The following CSMD3 variants were observed in gnomAD, a reference collection of about 807,000 sequenced individuals.
The protein encoded by CSMD3 is CUB and Sushi multiple domains 3, also known as CUB and sushi domain-containing protein 3.
A neutral mutation model predicts 435.2 loss-of-function variants in CSMD3; 177 were observed. The ratio of observed to expected loss-of-function variants is 0.41; its 90% confidence interval spans 0.36 to 0.46. The LOEUF (loss-of-function observed/expected upper bound fraction) is 0.46. CSMD3 is among the 20% of genes least tolerant of loss of function. The pLI is 0.34. For synonymous variants in CSMD3, 1,656 were observed against 1,520.5 expected, an observed-to-expected ratio of 1.09 and a Z score of -2.07; for missense variants, 4,265 against 4,504.6, an observed-to-expected ratio of 0.95 and a Z score of 1.52.
At chr8:113,348,511 A>T (rs1205789739) in intron 1 of CSMD3, among the ~76,000 whole-genome samples, 1 of 152,112 alleles carries the variant, frequency 6.6e-6, no homozygotes, top group Non-Finnish European at 1.5e-5. Context: ...CAGCTTTGAG[A>T]AGCAGGGATG....
intron 3 of CSMD3, among the ~76,000 whole-genome samples, chr8:113,241,256 A>T (rs1213811778): frequency 6.6e-6 from 1 of 152,108 alleles, no homozygotes; most frequent in African/African-American, 2.4e-5. Context: ...GAAAATATGA[A>T]TAGAGAAAAT....
At chr8:112,568,544 C>A (rs879809789) in intron 24 of CSMD3, among the ~76,000 whole-genome samples, 2 of 140,310 alleles carry the variant, frequency 1.4e-5, no homozygotes, top group Non-Finnish European at 3.0e-5. Flanking sequence ...CCAGCCTGGG[C>A]GACAGAGCAA....
At chr8:112,976,807 T>C (rs2084865379) in intron 6 of CSMD3, among the ~76,000 whole-genome samples, 1 of 152,090 alleles carries the variant, frequency 6.6e-6, no homozygotes, top group African/African-American at 2.4e-5. Flanking sequence ...GTTTAACCAA[T>C]TCTGAACTAA....
intron 7 of CSMD3, among the ~76,000 whole-genome samples, chr8:112,972,866 C>A (rs1005458697): frequency 6.6e-6 from 1 of 151,878 alleles, no homozygotes; most frequent in Non-Finnish European, 1.5e-5. Flanking sequence ...CTGATGATTA[C>A]AAATGCAAGC....
intron 10 of CSMD3, among the ~76,000 whole-genome samples, chr8:112,893,045 C>T (rs1329320737): frequency 6.6e-6 from 1 of 151,174 alleles, no homozygotes; most frequent in Admixed American, 6.6e-5. Flanking sequence ...ACTGCTGTTG[C>T]TGCTGCTGCT....
rs568593409 is a variant in CSMD3 at position 113,276,438 on chromosome 8, G to A, written c.514+2154C>T. ...CTTTTTACCAGTTGCTGGCTCTAAG[G>A]TATGAGGCCTCTACGTGAAGAGGAG... On this transcript the variant is annotated intron_variant, in intron 3 of 70. Transcript: ENST00000297405. 2.0e-5 allele frequency among the ~76,000 whole-genome samples: 3 copies of A among 152,154 alleles called. No homozygotes were observed. In the South Asian group the frequency reaches 6.2e-4, roughly 32 times the overall value.
At chr8:112,923,073 A>T (rs1482466807) in intron 9 of CSMD3, among the ~76,000 whole-genome samples, 1 of 152,144 alleles carries the variant, frequency 6.6e-6, no homozygotes, top group African/African-American at 2.4e-5. Context: ...GCAACACATT[A>T]GAAATCCAGA....
chr8:112,528,416 C>T (rs1825199262), intron 27 of CSMD3, among the ~76,000 whole-genome samples: 1 of 152,028 alleles, frequency 6.6e-6, no homozygotes, highest in African/African-American at 2.4e-5. Context: ...AGTAAATTCT[C>T]AATCAAAATA....
intron 22 of CSMD3, among the ~76,000 whole-genome samples, chr8:112,608,513 CTTCCTGG>C (rs1298933473): frequency 6.6e-6 from 1 of 152,050 alleles, no homozygotes; most frequent in Non-Finnish European, 1.5e-5. Flanking sequence ...TGGCATCATA[CTTCCTGG>C]TTTCAAATTA....
At chr8:112,542,003 T>C (rs1420422051) in intron 27 of CSMD3, among the ~76,000 whole-genome samples, 2 of 151,924 alleles carry the variant, frequency 1.3e-5, no homozygotes, top group African/African-American at 2.4e-5. Flanking sequence ...AAATCAATTA[T>C]TTTGATACAC....
At chr8:112,237,546 T>C (rs1563671349) in intron 66 of CSMD3, among the ~76,000 whole-genome samples, 198 bp from the exon 67 acceptor site, 1 of 152,154 alleles carries the variant, frequency 6.6e-6, no homozygotes, top group Non-Finnish European at 1.5e-5. Context: ...TCTAGATTTG[T>C]TCATATGTTA....
At chr8:112,960,321 T>C (rs1484025244) in intron 7 of CSMD3, among the ~76,000 whole-genome samples, 2 of 151,744 alleles carry the variant, frequency 1.3e-5, no homozygotes, top group East Asian at 3.9e-4. Context: ...TGCTGCTAGA[T>C]TGAAAACTAA....
At position 113,063,706 on chromosome 8, in the gene CSMD3, A is replaced by T. The variant is rs192559581; in HGVS notation, c.917+35050T>A. On this transcript the variant is annotated intron_variant, in intron 5 of 70. Coordinates refer to ENST00000297405, the MANE Select transcript of CSMD3 (RefSeq NM_198123.2). ...ATTTGTTGGAAACATGTGCCTACAA[A>T]CCAAACATAACTCTATTTAGTTTGT... Among the ~76,000 whole-genome samples the T allele has an allele frequency of 7.5e-4, 114 of 151,960 alleles. 1 individual carries two copies. The highest frequency in any genetic ancestry group is 3.4e-3 in the Middle Eastern group (1 of 294).
chr8:112,600,992 T>C (rs895717821), intron 22 of CSMD3, among the ~76,000 whole-genome samples: 2 of 152,040 alleles, frequency 1.3e-5, no homozygotes, highest in Admixed American at 1.3e-4. Flanking sequence ...TATACTTCTC[T>C]AGACCCTGTG....
intron 5 of CSMD3, among the ~76,000 whole-genome samples, chr8:113,057,935 G>T (rs2088423775): frequency 6.6e-6 from 1 of 151,544 alleles, no homozygotes; most frequent in African/African-American, 2.4e-5. Context: ...CTAAATAAAA[G>T]ACTAAAATAG....
chr8:112,402,125 A>G (rs573638654), intron 35 of CSMD3, among the ~76,000 whole-genome samples: 1 of 152,226 alleles, frequency 6.6e-6, no homozygotes, highest in South Asian at 2.1e-4. Context: ...TCATTTAGCC[A>G]TAATGAACCT....
chr8:113,060,870 C>A (rs2088582226), intron 5 of CSMD3, among the ~76,000 whole-genome samples: 1 of 152,144 alleles, frequency 6.6e-6, no homozygotes, highest in Non-Finnish European at 1.5e-5. Context: ...TGAAATGTCT[C>A]CATCTGCTAT....
chr8:113,051,745 T>C (rs1336502806), intron 5 of CSMD3, among the ~76,000 whole-genome samples: 1 of 152,220 alleles, frequency 6.6e-6, no homozygotes, highest in African/African-American at 2.4e-5. Flanking sequence ...TTGAAATTCA[T>C]CACATTGCTT....
chr8:113,034,320 G>A (rs927285694), intron 5 of CSMD3, among the ~76,000 whole-genome samples: 28 of 151,606 alleles, frequency 1.8e-4, no homozygotes, highest in African/African-American at 6.5e-4. Flanking sequence ...ACTGATGAAT[G>A]TATACACAAA....
Sources: allele counts gnomAD v4.1 joint callset (sites outside exome capture counted in the v4.1 genomes callset), GRCh38; gene constraint gnomAD v4.1.1; transcripts MANE v1.5; gene names NCBI Gene and HGNC (gene_info 2026-07-23, HGNC 2026-07-21).